ADGRB1: variants seen among roughly 807,000 people sequenced by gnomAD.
ADGRB1 encodes adhesion G protein-coupled receptor B1.
In ADGRB1, 36 loss-of-function variants were observed where a neutral mutation model predicts 175.7. The ratio of observed to expected loss-of-function variants is 0.20; its 90% CI spans 0.16 to 0.27. The LOEUF is 0.27. Ranked by LOEUF, ADGRB1 falls within the 10% of genes least tolerant of loss-of-function variation. The pLI is 1.00. For missense variants in ADGRB1, 1,731 were observed against 2,255.3 expected (o/e 0.77, Z 4.71); for synonymous variants, 1,054 against 979.4 (o/e 1.08, Z -1.42).
intron 2 of ADGRB1, among the ~76,000 whole-genome samples, chr8:142,470,543 G>A (rs1018760120): frequency 6.6e-6 from 1 of 151,538 alleles, no homozygotes; most frequent in Non-Finnish European, 1.5e-5. Flanking sequence ...GTGTGTCCCT[G>A]TGTGTGTGTG....
chr8:142,520,936 T>A lies in ADGRB1; in HGVS notation c.3024+11T>A. On this transcript the variant is annotated intron_variant, in intron 20 of 30. Transcript: ENST00000517894. ...CAGACCCGCAACAAGGTAGGCAGCC[T>A]TGCGTCCTGCCATGCACTTCCCAAC... is the stretch of plus-strand genomic sequence containing the variant. 1 of 1,606,772 alleles carries A rather than the reference T, an allele frequency of 6.2e-7. No individual in the cohort carries two copies. The highest frequency in any genetic ancestry group is 8.5e-7 in the Non-Finnish European group (1 of 1,173,730).
intron 25 of ADGRB1, among the ~76,000 whole-genome samples, 169 bp from the exon 26 acceptor site, chr8:142,536,818 T>G (rs987262189): frequency 1.4e-4 from 22 of 151,900 alleles, no homozygotes; most frequent in Non-Finnish European, 1.5e-5. Flanking sequence ...CTCCACCCAG[T>G]GGGTCATGAC....
chr8:142,521,045 G>T, intron 20 of ADGRB1, 120 bp downstream of exon 20: 2 of 936,990 alleles, frequency 2.1e-6, no homozygotes, highest in Non-Finnish European at 1.6e-6. Context: ...TGTGGGGGCA[G>T]GAGGAGGCTG....
Position 142,533,458 on chromosome 8 carries a change from C to T in ADGRB1, c.3562C>T (p.Arg1188Cys), listed in dbSNP as rs752785041. 4 of 1,598,464 alleles carry T rather than the reference C, an allele frequency of 2.5e-6. No homozygotes were observed. Among genetic ancestry groups the T allele is most frequent in the South Asian group, 1.1e-5 (1 of 90,406 alleles). The change falls in exon 25 of 31, where the codon CGT becomes TGT. Residue 1188 changes from arginine to cysteine, a missense_variant. Arg to Cys is a radical substitution (Grantham distance 180). Coordinates refer to ENST00000517894, the MANE Select transcript of ADGRB1 (RefSeq NM_001702.3). ...FVIVMVHCIL[R>C]REVQDAVKCR... ...CATCGTCATGGTGCACTGTATCCTCCGTAGAGAGGTGGGTGAGGCAGCCTC... is the reference window on the plus strand; with the variant it reads ...CATCGTCATGGTGCACTGTATCCTCTGTAGAGAGGTGGGTGAGGCAGCCTC...
chr8:142,463,867 C>G (rs1030678593), intron 1 of ADGRB1, 113 bp from the exon 2 acceptor site: 1 of 236,182 alleles, frequency 4.2e-6, no homozygotes, highest in Admixed American at 5.7e-5. Context: ...CCAAAGTCCT[C>G]CTGCCCTCGT....
At chr8:142,512,932 C>T (rs1351588019) in intron 18 of ADGRB1, among the ~76,000 whole-genome samples, 5 of 146,324 alleles carry the variant, frequency 3.4e-5, no homozygotes, top group African/African-American at 1.3e-4. Context: ...CCCCAGTGCA[C>T]GAGGGGGAGG....
At chr8:142,514,713 G>A (rs1017738708) in intron 18 of ADGRB1, among the ~76,000 whole-genome samples, 17 of 152,114 alleles carry the variant, frequency 1.1e-4, no homozygotes, top group Non-Finnish European at 2.2e-4. Flanking sequence ...TCAGGGCCCA[G>A]TGTGTGCCCA....
intron 2 of ADGRB1, 80 bp from the exon 3 acceptor site, chr8:142,475,394 G>C: frequency 8.1e-7 from 1 of 1,229,870 alleles, no homozygotes; most frequent in Non-Finnish European, 1.0e-6. Context: ...GCCTCGGCGG[G>C]CTTAGCACCC....
intron 17 of ADGRB1, among the ~76,000 whole-genome samples, chr8:142,501,672 T>A (rs1259502769): frequency 3.4e-5 from 1 of 29,716 alleles, no homozygotes; most frequent in Non-Finnish European, 8.4e-5. Context: ...GGTAGTGATG[T>A]TTGTGTGGTT....
chr8:142,507,360 T>G (rs1240289588), intron 17 of ADGRB1, among the ~76,000 whole-genome samples: 1 of 152,138 alleles, frequency 6.6e-6, no homozygotes, highest in Non-Finnish European at 1.5e-5. Context: ...AGGGTCCCAG[T>G]GAACCCCACC....
rs1240566113 is a variant in ADGRB1 at position 142,487,794 on chromosome 8, C to G, written c.2309-570C>G. On this transcript the variant is annotated intron_variant, in intron 13 of 30. Coordinates refer to ENST00000517894, the MANE Select transcript of ADGRB1 (RefSeq NM_001702.3). Reference sequence around the variant, plus strand: ...CTGAGCTCAGGGCCCTTCCGCACCCCCAATGCCTTCCTTCCCAGAATGGGA... The same window carrying G: ...CTGAGCTCAGGGCCCTTCCGCACCCGCAATGCCTTCCTTCCCAGAATGGGA... 2.6e-5 allele frequency among the ~76,000 whole-genome samples: 4 copies of G among 152,238 alleles called. No individual in the cohort carries two copies. The East Asian group carries it at 5.8e-4, about 22-fold the overall frequency.
chr8:142,533,258 G>T, intron 24 of ADGRB1, 37 bp from the exon 25 acceptor site: 1 of 1,139,450 alleles, frequency 8.8e-7, no homozygotes, highest in South Asian at 1.7e-5. Context: ...CTGGGGGCAG[G>T]GGCGGGGGCG....
Position 142,543,277 on chromosome 8 carries a change from T to A in ADGRB1, c.4414-126T>A. ...TGCGCCCCCAGGCATGTCCCCTGGG[T>A]CTGGCCTGGTCCCTGAAGGCAGGCA... is the stretch of plus-strand genomic sequence containing the variant. On this transcript the variant is annotated intron_variant, in intron 28 of 30. Coordinates refer to ENST00000517894, the MANE Select transcript of ADGRB1 (RefSeq NM_001702.3). This position sits in a 1 kb window ranked among gnomAD's most constrained non-coding sequence, Gnocchi z 4.4. 3 of 1,285,388 alleles carry A rather than the reference T, an allele frequency of 2.3e-6. No individual in the cohort carries two copies. Among genetic ancestry groups the A allele is most frequent in the Non-Finnish European group, 3.3e-6 (3 of 913,706 alleles). The allele number at this position is 1,285,388 out of a possible 1,614,324, so 79.6% of individuals were successfully genotyped here.
intron 19 of ADGRB1, among the ~76,000 whole-genome samples, chr8:142,519,630 G>A (rs536424317): frequency 1.3e-5 from 2 of 151,386 alleles, no homozygotes; most frequent in African/African-American, 4.9e-5. Context: ...GATGGTGGTG[G>A]TGGTGCTGGT....
rs1183016497 is a variant in ADGRB1 at position 142,542,342 on chromosome 8, G to A, written c.4108G>A (p.Asp1370Asn). The change falls in exon 28 of 31, where the codon GAC becomes AAC. Residue 1370 changes from aspartate to asparagine, a missense_variant. Physicochemically the swap from Asp to Asn is conservative, Grantham distance 23. Coordinates refer to ENST00000517894, the MANE Select transcript of ADGRB1 (RefSeq NM_001702.3). This position sits in a 1 kb window ranked among gnomAD's most constrained non-coding sequence, Gnocchi z 6.3. ...GGAGCCCAAGTACAGCATCCACATT[G>A]ACCAGATGCCGCAGACCCGCCTCAT... The part of the protein sequence containing the change: ...KEEPKYSIHI[D>N]QMPQTRLIHL... 2 of 1,601,200 alleles carry A rather than the reference G, an allele frequency of 1.2e-6. No individual in the cohort carries two copies. The highest frequency in any genetic ancestry group is 1.7e-6 in the Non-Finnish European group (2 of 1,174,228).
At chr8:142,540,786 G>A (rs1845226674) in intron 27 of ADGRB1, among the ~76,000 whole-genome samples, 1 of 152,086 alleles carries the variant, frequency 6.6e-6, no homozygotes, top group Admixed American at 6.5e-5. Context: ...GGTCTGACGG[G>A]GAGGATGACG....
chr8:142,529,144 G>T (rs1057374423), intron 24 of ADGRB1, among the ~76,000 whole-genome samples: 2 of 152,130 alleles, frequency 1.3e-5, no homozygotes, highest in Non-Finnish European at 2.9e-5. Context: ...CTGATGGGAA[G>T]CCTCCCTCCC....
At chr8:142,518,273 T>TGG (rs202008269) in intron 19 of ADGRB1, 32 bp downstream of exon 19, 14 of 1,609,010 alleles carry the variant, frequency 8.7e-6, no homozygotes, top group South Asian at 5.5e-5. Context: ...GGCATGCATG[T>TGG]CTGTGGCTCC....
intron 1 of ADGRB1, among the ~76,000 whole-genome samples, chr8:142,456,576 A>G (rs1839696156): frequency 6.6e-6 from 1 of 152,176 alleles, no homozygotes; most frequent in Non-Finnish European, 1.5e-5. Context: ...CACCACACGC[A>G]CACACGCACA....
Sources: gnomAD v4.1 joint callset for allele counts (sites outside exome capture counted in the v4.1 genomes callset) on GRCh38, gnomAD v4.1.1 for gene constraint, Gnocchi (gnomAD v3.1) non-coding constraint, MANE v1.5 for transcripts, NCBI Gene and HGNC (gene_info 2026-07-23, HGNC 2026-07-21) for gene names.